ALG9: variants seen among roughly 807,000 people sequenced by gnomAD.
ALG9 encodes ALG9 alpha-1,2-mannosyltransferase.
A neutral mutation model predicts 81.8 loss-of-function variants in ALG9; 55 were observed. The ratio of observed to expected loss-of-function variants is 0.67; its 90% CI spans 0.54 to 0.84. The LOEUF (loss-of-function observed/expected upper bound fraction) is 0.84, where lower values mean the gene tolerates loss of function less well. ALG9 is among the 40% of genes least tolerant of loss of function. The pLI is 0.00. For missense variants in ALG9, 629 were observed against 745.0 expected, an observed-to-expected ratio of 0.84 and a Z score of 1.81; for synonymous variants, 278 against 274.3, an observed-to-expected ratio of 1.01 and a Z score of -0.13.
chr11:111,814,476 C>G (rs1951190650), intron 13 of ALG9: 1 of 152,132 alleles, frequency 6.6e-6, no homozygotes, highest in Non-Finnish European at 1.5e-5. Context: ...CAGACACTTG[C>G]TCTATTATTA....
At chr11:111,853,995 A>C (rs1555141393) in intron 6 of ALG9, among the ~76,000 whole-genome samples, 9 of 152,104 alleles carry the variant, frequency 5.9e-5, no homozygotes. Flanking sequence ...AATTTAAAAT[A>C]TATGTGCCCT....
chr11:111,768,384 T>C, the ALG9 span, among the ~76,000 whole-genome samples: 2 of 151,770 alleles, frequency 1.3e-5, no homozygotes, highest in Non-Finnish European at 2.9e-5. Flanking sequence ...TTGTTGTGGT[T>C]TTTTTTTAGC....
intron 10 of ALG9, among the ~76,000 whole-genome samples, chr11:111,839,770 T>A (rs1955929412): frequency 6.6e-6 from 1 of 152,146 alleles, no homozygotes; most frequent in Non-Finnish European, 1.5e-5. Flanking sequence ...CTTTTATAAT[T>A]AAAATTATTT....
chr11:111,822,306 G>C (rs1416415796), intron 13 of ALG9, among the ~76,000 whole-genome samples: 2 of 151,672 alleles, frequency 1.3e-5, no homozygotes, highest in Admixed American at 1.3e-4. Context: ...CTACTCGAGA[G>C]GCTGAGGCAG....
At chr11:111,846,915 G>A (rs974655399) in intron 8 of ALG9, among the ~76,000 whole-genome samples, 18 of 152,164 alleles carry the variant, frequency 1.2e-4, no homozygotes, top group Non-Finnish European at 2.1e-4. Flanking sequence ...ATGTTTAGGT[G>A]AAGGAAAGCT....
chr11:111,853,314 A>G, intron 8 of ALG9, 66 bp downstream of exon 8: 1 of 1,084,290 alleles, frequency 9.2e-7, no homozygotes, highest in Non-Finnish European at 1.4e-6. Context: ...CAACTGAATT[A>G]AAATGCTGAA....
chr11:111,860,439 C>T (rs1555146861), intron 5 of ALG9, 108 bp downstream of exon 5: 6 of 931,926 alleles, frequency 6.4e-6, no homozygotes, highest in Non-Finnish European at 7.1e-6. Context: ...TGGACAAATG[C>T]TTCCTTTAAA....
At chr11:111,812,003 C>T (rs1319374032) in intron 13 of ALG9, among the ~76,000 whole-genome samples, 1 of 151,948 alleles carries the variant, frequency 6.6e-6, no homozygotes, top group Non-Finnish European at 1.5e-5. Flanking sequence ...TTGTGTTGTG[C>T]ATATTTTATA....
intron 8 of ALG9, among the ~76,000 whole-genome samples, chr11:111,852,942 CAAA>C (rs71461596): frequency 2.8e-5 from 3 of 106,174 alleles, no homozygotes; most frequent in Non-Finnish European, 4.0e-5. Flanking sequence ...AACTCCACCT[CAAA>C]AAAAAAAAAA....
intron 4 of ALG9, among the ~76,000 whole-genome samples, chr11:111,861,039 C>T (rs1555147477): frequency 6.6e-6 from 1 of 152,152 alleles, no homozygotes; most frequent in Non-Finnish European, 1.5e-5. Flanking sequence ...ATAATACAAA[C>T]TTTGTAAGGT....
chr11:111,771,514 G>A, the ALG9 span: 1 of 152,210 alleles, frequency 6.6e-6, no homozygotes, highest in African/African-American at 2.4e-5. Flanking sequence ...TTTACAAATA[G>A]GTTCTCATTC....
At chr11:111,787,706 C>T (rs2136195905) in intron 14 of ALG9, among the ~76,000 whole-genome samples, 1 of 152,012 alleles carries the variant, frequency 6.6e-6, no homozygotes, top group Admixed American at 6.5e-5. Context: ...GATCCGCCTG[C>T]CTCAGCCTCC....
Position 111,809,752 on chromosome 11 carries a change from A to G in ALG9, c.1624T>C (p.Tyr542His), listed in dbSNP as rs1163813425. 1 of 1,614,062 alleles carries G rather than the reference A, an allele frequency of 6.2e-7. No homozygotes were observed. The highest frequency in any genetic ancestry group is 8.5e-7 in the Non-Finnish European group (1 of 1,179,952). The change falls in exon 14 of 15, where the codon TAT becomes CAT. Residue 542 changes from tyrosine to histidine, a missense_variant. This residue lies in a region of ALG9 where 264 missense variants were observed against 302.2 expected (regional missense o/e 0.87). Transcript: ENST00000616540. ...CTCATGGTGTCCAAATCCACTAAAT[A>G]ATGGCATTTACTGATATCAATCTGA... ...SRYIDISKCH[Y>H]LVDLDTMRET...
At chr11:111,775,111 G>A in the ALG9 span, among the ~76,000 whole-genome samples, 1 of 152,112 alleles carries the variant, frequency 6.6e-6, no homozygotes, top group Non-Finnish European at 1.5e-5. Flanking sequence ...TCTTGTACTA[G>A]ACCTGGCCAA....
At chr11:111,806,662 T>A (rs1337115632) in intron 14 of ALG9, among the ~76,000 whole-genome samples, 1 of 152,154 alleles carries the variant, frequency 6.6e-6, no homozygotes, top group Non-Finnish European at 1.5e-5. Context: ...CAGTCTCATG[T>A]TTTTAAAAAA....
chr11:111,870,381 GCAAAA>G lies in ALG9; in HGVS notation c.132-16_132-12del. 5 of 575,874 alleles carry G rather than the reference GCAAAA, an allele frequency of 8.7e-6. No homozygotes were observed. The highest frequency in any genetic ancestry group is 5.4e-5 in the South Asian group (1 of 18,440). The allele number at this position is 575,874 out of a possible 1,614,324, so 35.7% of individuals were successfully genotyped here. On this transcript the variant is annotated splice_polypyrimidine_tract_variant and intron_variant, in intron 1 of 14. Transcript: ENST00000616540. ...TTGTTCCCAGATAACCTGTTCAAAA[GCAAAA>G]AAAAAAAAAAAAAAAAAAGCATGTC...
At chr11:111,831,887 G>A (rs540672656) in intron 13 of ALG9, among the ~76,000 whole-genome samples, 20 of 152,216 alleles carry the variant, frequency 1.3e-4, no homozygotes, top group African/African-American at 4.6e-4. Context: ...TCCAACAAAG[G>A]GATATATTAG....
At position 111,857,896 on chromosome 11, in the gene ALG9, A is replaced by G. The variant is rs1391865031; in HGVS notation, c.566-159T>C. The G allele has an allele frequency of 2.7e-5, 22 of 823,016 alleles. No homozygotes were observed. The East Asian group carries it at 5.9e-4, about 22-fold the overall frequency. 51.0% of individuals were successfully genotyped at this position (823,016 alleles called of 1,614,324 possible). A position where few individuals can be genotyped will look rare whatever the true frequency, so the allele number is the denominator to read the frequency against. Reference sequence around the variant, plus strand: ...ATATTAGAAAGGACAGCAAAGTGATATTCTTTTTTAAAAAAATGAAGTTCA... The same window carrying G: ...ATATTAGAAAGGACAGCAAAGTGATGTTCTTTTTTAAAAAAATGAAGTTCA... On this transcript the variant is annotated intron_variant, in intron 5 of 14. Transcript: ENST00000616540.
intron 8 of ALG9, among the ~76,000 whole-genome samples, chr11:111,846,388 C>G (rs1394205274): frequency 2.0e-5 from 3 of 152,204 alleles, no homozygotes; most frequent in Non-Finnish European, 4.4e-5. Context: ...TTGTCTCTTT[C>G]ATATTTGCAA....
Sources: gnomAD v4.1 joint callset for allele counts (sites outside exome capture counted in the v4.1 genomes callset) on GRCh38, gnomAD v4.1.1 for gene constraint, gnomAD v4.1.1 regional missense constraint, MANE v1.5 for transcripts, NCBI Gene and HGNC (gene_info 2026-07-23, HGNC 2026-07-21) for gene names.